DNAJC3: variants seen among roughly 807,000 people sequenced by gnomAD.
The protein encoded by DNAJC3 is DnaJ heat shock protein family (Hsp40) member C3.
A neutral mutation model predicts 68.6 loss-of-function variants in DNAJC3; 38 were observed. The observed-to-expected ratio is 0.55, with a 90% confidence interval of 0.43 to 0.73. DNAJC3 has a LOEUF of 0.73. Among genes scored for constraint, DNAJC3 ranks in the 30% least tolerant of loss-of-function variants. DNAJC3 has a pLI of 0.00. For missense variants in DNAJC3, 526 were observed against 591.9 expected (o/e 0.89, Z 1.16); for synonymous variants, 203 against 204.0 (o/e 1.00, Z 0.04).
chr13:95,716,963 C>G (rs1179589821), intron 2 of DNAJC3, among the ~76,000 whole-genome samples: 1 of 152,170 alleles, frequency 6.6e-6, no homozygotes, highest in Non-Finnish European at 1.5e-5. Context: ...GACCCCACCC[C>G]TCTCTACCCA....
intron 4 of DNAJC3, among the ~76,000 whole-genome samples, chr13:95,734,968 C>A (rs1472826532): frequency 4.1e-5 from 5 of 120,846 alleles, no homozygotes; most frequent in African/African-American, 1.2e-4. Context: ...ATCCCTCCCC[C>A]CTCCCCCCCA....
rs36052714 is a variant in DNAJC3, at chr13:95,785,452, CTTTTTTTTTTTT to C, written c.1076-474_1076-463del. ...GTTTTCATTATTATGCCTTTTAAAC[CTTTTTTTTTTTT>C]TTTTTTTTTTTTGAGACGGAATCTC... On this transcript the variant is annotated intron_variant, in intron 9 of 11. Coordinates refer to ENST00000602402, the MANE Select transcript of DNAJC3 (RefSeq NM_006260.5). Among the ~76,000 whole-genome samples the C allele has an allele frequency of 7.7e-5, 6 of 77,950 alleles. No homozygotes were observed. In the East Asian group the frequency reaches 1.7e-3, roughly 22 times the overall value. 51.1% of individuals were successfully genotyped at this position (77,950 alleles called of 152,430 possible).
chr13:95,677,416 C>G, intron 1 of DNAJC3, 79 bp downstream of exon 1: 1 of 1,447,636 alleles, frequency 6.9e-7, no homozygotes. Context: ...GCCCGGGCGC[C>G]TGTCCCGGAG....
At chr13:95,774,417 T>C (rs529057156) in intron 9 of DNAJC3, among the ~76,000 whole-genome samples, 19 of 152,344 alleles carry the variant, frequency 1.2e-4, no homozygotes, top group African/African-American at 4.3e-4. Context: ...ATTTCCTTCC[T>C]TTTAAATTTA....
At chr13:95,715,350 CTGATGG>C (rs1881102356) in intron 2 of DNAJC3, among the ~76,000 whole-genome samples, 1 of 152,202 alleles carries the variant, frequency 6.6e-6, no homozygotes, top group Non-Finnish European at 1.5e-5. Context: ...AGGCAGTGAG[CTGATGG>C]TGCCAGTGTG....
chr13:95,729,436 TTTA>T (rs962371801), intron 4 of DNAJC3, among the ~76,000 whole-genome samples: 5 of 151,270 alleles, frequency 3.3e-5, no homozygotes, highest in Non-Finnish European at 4.4e-5. Flanking sequence ...CATACTTAAC[TTTA>T]TTAATTCATC....
chr13:95,736,298 G>A (rs1230721332), intron 4 of DNAJC3, among the ~76,000 whole-genome samples: 3 of 151,906 alleles, frequency 2.0e-5, no homozygotes, highest in African/African-American at 4.8e-5. Context: ...TTGACTTGGC[G>A]ATGCGGGCTC....
chr13:95,786,913 A>G, intron 10 of DNAJC3, 94 bp from the exon 11 acceptor site: 1 of 1,445,444 alleles, frequency 6.9e-7, no homozygotes, highest in Non-Finnish European at 9.3e-7. Flanking sequence ...CAGTTTTGTT[A>G]ATTGCCAGTA....
chr13:95,740,694 G>T (rs981354301), intron 4 of DNAJC3, among the ~76,000 whole-genome samples: 2 of 152,178 alleles, frequency 1.3e-5, no homozygotes, highest in African/African-American at 4.8e-5. Context: ...CGCACCCACT[G>T]ACCTGCGCCC....
rs141164819 is a variant in DNAJC3 at position 95,717,157 on chromosome 13, C to T, written c.194-6085C>T. The stretch of plus-strand genomic sequence containing the variant: ...CAGAGGGTCTTAGGTATATCTGGCA[C>T]GAACAAATGTCTTAAGTGGTAGATT... On this transcript the variant is annotated intron_variant, in intron 2 of 11. Coordinates refer to ENST00000602402, the MANE Select transcript of DNAJC3 (RefSeq NM_006260.5). Among the ~76,000 whole-genome samples, 7 of 152,248 alleles carry T rather than the reference C, an allele frequency of 4.6e-5. No homozygotes were observed. In the East Asian group the frequency reaches 7.7e-4, roughly 17 times the overall value.
At chr13:95,728,779 A>G (rs970193449) in intron 4 of DNAJC3, among the ~76,000 whole-genome samples, 12 of 152,338 alleles carry the variant, frequency 7.9e-5, no homozygotes, top group South Asian at 2.1e-4. Context: ...CAGAATATCT[A>G]TCACTGAATA....
chr13:95,680,345 A>T (rs1318932229), intron 1 of DNAJC3, among the ~76,000 whole-genome samples: 2 of 152,230 alleles, frequency 1.3e-5, no homozygotes, highest in African/African-American at 4.8e-5. Context: ...AGTTGAAAAT[A>T]TATAGTTGAA....
At chr13:95,770,816 AGT>A (rs1883136012) in intron 9 of DNAJC3, among the ~76,000 whole-genome samples, 1 of 152,202 alleles carries the variant, frequency 6.6e-6, no homozygotes, top group Non-Finnish European at 1.5e-5. Flanking sequence ...CTGTATCCTA[AGT>A]GTTCTTAGAT....
At position 95,725,334 on chromosome 13, in the gene DNAJC3, T is replaced by C. The variant is rs1593981777; in HGVS notation, c.393+82T>C. 5 of 1,001,560 alleles carry C rather than the reference T, an allele frequency of 5.0e-6. No individual in the cohort carries two copies. The East Asian group carries it at 1.4e-4, about 28-fold the overall frequency. 62.0% of individuals were successfully genotyped at this position (1,001,560 alleles called of 1,614,324 possible). A position where few individuals can be genotyped will look rare whatever the true frequency, so the allele number is the denominator to read the frequency against. On this transcript the variant is annotated intron_variant, in intron 4 of 11. Coordinates refer to ENST00000602402, the MANE Select transcript of DNAJC3 (RefSeq NM_006260.5). The stretch of plus-strand genomic sequence containing the variant: ...ACCTTTTTTATATTATGACAGTTAA[T>C]AGTAATTTTATAGCTAAGAGTCAAT...
At chr13:95,684,615 C>G (rs1225372461) in intron 1 of DNAJC3, among the ~76,000 whole-genome samples, 1 of 152,154 alleles carries the variant, frequency 6.6e-6, no homozygotes, top group Non-Finnish European at 1.5e-5. Context: ...TGCTGATAGC[C>G]AAGACAATGG....
At chr13:95,746,567 C>G (rs907205750) in intron 4 of DNAJC3, among the ~76,000 whole-genome samples, 2 of 152,036 alleles carry the variant, frequency 1.3e-5, no homozygotes, top group Non-Finnish European at 2.9e-5. Context: ...TATGTTATGC[C>G]TATTTTATAT....
chr13:95,783,819 A>C (rs1418385885), intron 9 of DNAJC3, among the ~76,000 whole-genome samples: 7 of 152,200 alleles, frequency 4.6e-5, no homozygotes, highest in African/African-American at 1.4e-4. Flanking sequence ...CTCACAGACA[A>C]TTTGAAGAGG....
intron 4 of DNAJC3, among the ~76,000 whole-genome samples, chr13:95,737,521 G>C (rs1008382043): frequency 1.3e-5 from 2 of 151,818 alleles, no homozygotes; most frequent in African/African-American, 4.9e-5. Context: ...TCTATTCAGA[G>C]ATTCAACTTC....
intron 9 of DNAJC3, among the ~76,000 whole-genome samples, chr13:95,765,759 A>G (rs1882976933): frequency 6.6e-6 from 1 of 151,734 alleles, no homozygotes; most frequent in South Asian, 2.1e-4. Context: ...TCTAGTAGTG[A>G]TGGGGTTTCA....
Sources: allele counts gnomAD v4.1 joint callset (sites outside exome capture counted in the v4.1 genomes callset), GRCh38; gene constraint gnomAD v4.1.1; transcripts MANE v1.5; gene names NCBI Gene and HGNC (gene_info 2026-07-23, HGNC 2026-07-21).